Variants in MRC2 observed in about 807,000 individuals in gnomAD.
MRC2 encodes C-type mannose receptor 2.
A neutral mutation model predicts 206.2 loss-of-function variants in MRC2; 84 were observed. The ratio of observed to expected loss-of-function variants is 0.41; its 90% confidence interval spans 0.34 to 0.49. MRC2 has a LOEUF of 0.49. Ranked by LOEUF, MRC2 falls within the 20% of genes least tolerant of loss-of-function variation. The pLI is 0.31. For missense variants in MRC2, 1,676 were observed against 2,001.5 expected, an observed-to-expected ratio of 0.84 and a Z score of 3.10; for synonymous variants, 798 against 800.0, an observed-to-expected ratio of 1.00 and a Z score of 0.04.
chr17:62,674,829 C>T (rs961819524), intron 9 of MRC2, among the ~76,000 whole-genome samples: 6 of 152,026 alleles, frequency 3.9e-5, no homozygotes, highest in Admixed American at 1.3e-4. Flanking sequence ...GTGATGGGTG[C>T]GGGGAGCTTG....
chr17:62,640,803 G>C (rs1387657084), intron 1 of MRC2, among the ~76,000 whole-genome samples: 1 of 151,536 alleles, frequency 6.6e-6, no homozygotes. Context: ...TCCTGCCTCA[G>C]CCTCCTGAGT....
chr17:62,663,227 C>T (rs1422293978), intron 1 of MRC2, among the ~76,000 whole-genome samples: 1 of 143,808 alleles, frequency 7.0e-6, no homozygotes, highest in Non-Finnish European at 1.5e-5. Flanking sequence ...TCCCTCCTTC[C>T]TACCATCCAT....
chr17:62,688,595 T>G lies in MRC2; in HGVS notation c.3156T>G (p.Pro1052=). 6.2e-7 allele frequency: 1 copy of G among 1,614,184 alleles called. No individual in the cohort carries two copies. Among genetic ancestry groups the G allele is most frequent in the East Asian group, 2.2e-5 (1 of 44,864 alleles). ...QRDFQWVEQE[P]LMYANWAPGE... ...ACTTCCAGTGGGTGGAGCAGGAGCC[T>G]TTGATGTATGCCAACTGGGCACCTG... The change falls in exon 22 of 30, where the codon CCT becomes CCG. Residue 1052 remains proline, a synonymous_variant. Coordinates refer to ENST00000303375, the MANE Select transcript of MRC2 (RefSeq NM_006039.5).
intron 1 of MRC2, among the ~76,000 whole-genome samples, chr17:62,648,618 A>G (rs1323327045): frequency 1.3e-5 from 2 of 152,076 alleles, no homozygotes; most frequent in African/African-American, 4.8e-5. Flanking sequence ...TTCTCCTTGC[A>G]TCTCCCTCCT....
At position 62,692,164 on chromosome 17, in the gene MRC2, T is replaced by G; in HGVS notation, c.4219+26T>G. The stretch of plus-strand genomic sequence containing the variant: ...GTGAGTGAAAGGCAATGCCCCCAGG[T>G]GGGCAGGCAGGAAGCACTGCTGGGC... On this transcript the variant is annotated intron_variant, in intron 29 of 29. Coordinates refer to ENST00000303375, the MANE Select transcript of MRC2 (RefSeq NM_006039.5). This position sits in a 1 kb window ranked among gnomAD's most constrained non-coding sequence, Gnocchi z 4.2. 1.2e-6 allele frequency: 2 copies of G among 1,614,130 alleles called. 1 individual carries two copies.
Position 62,680,870 on chromosome 17 carries a change from G to A in MRC2, c.2544G>A (p.Gln848=). 1 of 1,613,124 alleles carries A rather than the reference G, an allele frequency of 6.2e-7. No individual in the cohort carries two copies. The highest frequency in any genetic ancestry group is 8.5e-7 in the Non-Finnish European group (1 of 1,179,956). Residue 848 remains glutamine (Q), a synonymous_variant, in exon 17 of 30, where the codon CAG becomes CAA. Transcript: ENST00000303375. The surrounding 1 kb of genome is among the most constrained non-coding windows in gnomAD (Gnocchi z 4.8). ...TTGAGCACCACTCCACGTGGGCGCA[G>A]GCGCAGCGCATCTGCACGTGGTTCC... ...KFFEHHSTWA[Q]AQRICTWFQA... is the part of the protein sequence containing the mutation.
At chr17:62,674,023 G>A in intron 8 of MRC2, 40 bp from the exon 9 acceptor site, 1 of 1,438,058 alleles carries the variant, frequency 7.0e-7, no homozygotes, top group Non-Finnish European at 9.6e-7. Flanking sequence ...GATTTATGGG[G>A]AGGTGGGGGT....
At position 62,677,356 on chromosome 17, in the gene MRC2, G is replaced by A. The variant is rs546895407; in HGVS notation, c.1922G>A (p.Arg641His). The change falls in exon 12 of 30, where the codon CGC becomes CAC. Residue 641 changes from arginine (R) to histidine (H), a missense_variant. Around this residue, in one of 3 missense-constraint regions of MRC2, gnomAD observed 1,354 missense variants for 1,636.6 expected, o/e 0.83. Coordinates refer to ENST00000303375, the MANE Select transcript of MRC2 (RefSeq NM_006039.5). ...AAGAACTGTACCTCGTTCCGGGCCC[G>A]CTACATCTGCCGGCAGAGCCTGGGC... ...EVKNCTSFRA[R>H]YICRQSLGTP... 15 of 1,609,408 alleles carry A rather than the reference G, an allele frequency of 9.3e-6. No homozygotes were observed. Among genetic ancestry groups the A allele is most frequent in the East Asian group, 4.5e-5 (2 of 44,738 alleles).
rs749851829 is a variant in MRC2, at chr17:62,678,664, G to A, written c.2195+18G>A. ...ATCTTCGGGTACTGAGCCGGGCTGA[G>A]GCGTGTTAGGAGGGCACCCGCACAC... On this transcript the variant is annotated intron_variant, in intron 13 of 29. Transcript: ENST00000303375. The A allele has an allele frequency of 4.2e-5, 67 of 1,604,960 alleles. No individual in the cohort carries two copies. Among genetic ancestry groups the A allele is most frequent in the Non-Finnish European group, 5.3e-5 (62 of 1,177,082 alleles).
chr17:62,683,449 C>T (rs369464797), intron 20 of MRC2, among the ~76,000 whole-genome samples: 30 of 113,778 alleles, frequency 2.6e-4, no homozygotes, highest in African/African-American at 9.9e-4. Context: ...GCCTGGGCAA[C>T]AAAAGCGAAA....
chr17:62,649,768 C>T (rs1803672398), intron 1 of MRC2, among the ~76,000 whole-genome samples: 1 of 152,020 alleles, frequency 6.6e-6, no homozygotes, highest in South Asian at 2.1e-4. Context: ...TGCAGCGTGT[C>T]ACAGTGTCAT....
intron 6 of MRC2, among the ~76,000 whole-genome samples, chr17:62,670,430 G>C (rs1568063276): frequency 6.6e-6 from 1 of 152,238 alleles, no homozygotes; most frequent in Admixed American, 6.5e-5. Context: ...CAGCTTTGCC[G>C]GGTCTCCAGG....
rs1393897046 is a variant in MRC2, at chr17:62,671,450, G to T, written c.1118-199G>T. ...ATCTGCCACCACGACTTGGGTCTCT[G>T]TCCCGGGGCTCCAGCAGCCCTGTAA... On this transcript the variant is annotated intron_variant, in intron 6 of 29. Coordinates refer to ENST00000303375, the MANE Select transcript of MRC2 (RefSeq NM_006039.5). The surrounding 1 kb of genome is among the most constrained non-coding windows in gnomAD (Gnocchi z 4.5). Among the ~76,000 whole-genome samples the T allele has an allele frequency of 6.6e-6, 1 of 152,216 alleles. No homozygotes were observed. Among genetic ancestry groups the T allele is most frequent in the Non-Finnish European group, 1.5e-5 (1 of 68,036 alleles).
intron 1 of MRC2, among the ~76,000 whole-genome samples, chr17:62,628,286 C>T (rs1263159755): frequency 2.0e-5 from 3 of 152,068 alleles, no homozygotes; most frequent in South Asian, 4.1e-4. Context: ...CTGCAGGGCG[C>T]GCCCGGGGAG....
intron 13 of MRC2, 63 bp downstream of exon 13, chr17:62,678,709 C>T (rs879906243): frequency 2.8e-5 from 44 of 1,570,808 alleles, no homozygotes; most frequent in Middle Eastern, 1.7e-4. Context: ...CAGGCATGGC[C>T]GACAGACCCT....
intron 1 of MRC2, among the ~76,000 whole-genome samples, chr17:62,654,728 G>C (rs1046271504): frequency 6.6e-6 from 1 of 152,242 alleles, no homozygotes; most frequent in East Asian, 1.9e-4. Context: ...GGAGGAAGGA[G>C]ATGGGTTACT....
chr17:62,688,824 G>A lies in MRC2; in HGVS notation c.3226-28G>A, dbSNP rs367545341. ...GTAGCACAGGGAGGCAGCTGCTGGG[G>A]CTCCCCTGAGCAGCTCCCTCCCCCC... On this transcript the variant is annotated intron_variant, in intron 22 of 29. Coordinates refer to ENST00000303375, the MANE Select transcript of MRC2 (RefSeq NM_006039.5). The A allele has an allele frequency of 1.4e-5, 22 of 1,587,890 alleles. No individual in the cohort carries two copies. The East Asian group carries it at 2.0e-4, about 15-fold the overall frequency.
At chr17:62,655,963 C>T (rs752249553) in intron 1 of MRC2, among the ~76,000 whole-genome samples, 49 of 152,128 alleles carry the variant, frequency 3.2e-4, no homozygotes, top group Non-Finnish European at 6.2e-4. Flanking sequence ...GATTATAGCT[C>T]ACTACTGCCT....
At position 62,666,260 on chromosome 17, in the gene MRC2, C is replaced by A; in HGVS notation, c.687C>A (p.Pro229=). Residue 229 remains proline (P), a synonymous_variant, in exon 3 of 30, where the codon CCC becomes CCA. Transcript: ENST00000303375. This position sits in a 1 kb window ranked among gnomAD's most constrained non-coding sequence, Gnocchi z 5.0. ...YGKDERWGFC[P]IKSNDCETFW... ...AAGACGAGCGCTGGGGCTTCTGCCC[C>A]ATCAAGAGTGAGAGCTGTTGGAGCC... is the stretch of plus-strand genomic sequence containing the variant. 6.3e-7 allele frequency: 1 copy of A among 1,576,206 alleles called. No individual in the cohort carries two copies. Among genetic ancestry groups the A allele is most frequent in the East Asian group, 2.3e-5 (1 of 44,376 alleles).
Sources: allele counts gnomAD v4.1 joint callset (sites outside exome capture counted in the v4.1 genomes callset), GRCh38; gene constraint gnomAD v4.1.1; regional missense constraint gnomAD v4.1.1; non-coding constraint Gnocchi (gnomAD v3.1); transcripts MANE v1.5; gene names NCBI Gene and HGNC (gene_info 2026-07-23, HGNC 2026-07-21).